GPHN: variants seen among roughly 807,000 people sequenced by gnomAD.
GPHN encodes gephyrin.
Under a neutral mutation model 95.5 loss-of-function variants are expected in GPHN, and 17 were observed. That is an observed-to-expected ratio of 0.18 (90% confidence interval 0.12 to 0.27). The LOEUF (loss-of-function observed/expected upper bound fraction) is 0.27, where lower values mean the gene tolerates loss of function less well. Among genes scored for constraint, GPHN ranks in the 10% least tolerant of loss-of-function variants. The pLI, the probability that GPHN is intolerant of heterozygous loss-of-function variation, is 1.00. For missense variants in GPHN, 660 were observed against 978.1 expected (o/e 0.67, Z 4.34); for synonymous variants, 320 against 322.5 (o/e 0.99, Z 0.08).
chr14:66,802,133 C>T (rs1467069144), intron 3 of GPHN, among the ~76,000 whole-genome samples: 1 of 152,188 alleles, frequency 6.6e-6, no homozygotes, highest in Non-Finnish European at 1.5e-5. Context: ...TAGATGTCCA[C>T]CTAGTGTTCT....
rs1392483419 is a variant in GPHN, at chr14:66,841,017, ATATAGATATAGATATAGG to A, written c.294+16468_294+16485del. 5.6e-3 allele frequency among the ~76,000 whole-genome samples: 661 copies of A among 119,042 alleles called. 2 individuals are homozygous for A. The highest frequency in any genetic ancestry group is 0.02 in the East Asian group (86 of 4,286). 78.1% of individuals were successfully genotyped at this position (119,042 alleles called of 152,430 possible). On this transcript the variant is annotated intron_variant, in intron 4 of 22. Transcript: ENST00000478722. ...GATATAGATATAGATATAGATATAGATATAGATATAGATATAGGTATAGATATAGATATATACATGCCA... is the reference window on the plus strand; with the variant it reads ...GATATAGATATAGATATAGATATAGATATAGATATAGATATATACATGCCA...
the GPHN span, among the ~76,000 whole-genome samples, chr14:67,284,995 C>T: frequency 6.6e-6 from 1 of 152,042 alleles, no homozygotes; most frequent in African/African-American, 2.4e-5. Flanking sequence ...AAGTGATCCT[C>T]CCACCGTGGC....
intron 10 of GPHN, among the ~76,000 whole-genome samples, chr14:67,039,566 G>A (rs1464280278): frequency 1.3e-5 from 2 of 152,316 alleles, no homozygotes; most frequent in African/African-American, 4.8e-5. Flanking sequence ...GGCCAAGGCA[G>A]GAGGATCACT....
intron 2 of GPHN, among the ~76,000 whole-genome samples, chr14:66,765,078 T>G (rs1483848889): frequency 6.6e-6 from 1 of 152,214 alleles, no homozygotes; most frequent in African/African-American, 2.4e-5. Flanking sequence ...CTGTTGATTA[T>G]CTTTGAGTAA....
the GPHN span, among the ~76,000 whole-genome samples, chr14:67,479,579 A>G: frequency 6.8e-6 from 1 of 146,960 alleles, no homozygotes; most frequent in East Asian, 2.1e-4. Context: ...TTAGCCGGGC[A>G]TGGTGGCATG....
intron 9 of GPHN, among the ~76,000 whole-genome samples, chr14:67,010,837 G>C (rs1376189137): frequency 6.6e-6 from 1 of 152,018 alleles, no homozygotes; most frequent in African/African-American, 2.4e-5. Context: ...CAACTGTCTA[G>C]GACAGTGGTT....
the GPHN span, among the ~76,000 whole-genome samples, chr14:67,399,243 T>C: frequency 6.7e-6 from 1 of 149,008 alleles, no homozygotes; most frequent in Non-Finnish European, 1.5e-5. Context: ...TAGGTGGCTG[T>C]CAGGTGGCAG....
the GPHN span, among the ~76,000 whole-genome samples, chr14:67,676,239 A>C: frequency 6.6e-6 from 1 of 152,222 alleles, no homozygotes; most frequent in African/African-American, 2.4e-5. Context: ...ATGCTTTGCT[A>C]ATTTGTATCT....
At chr14:67,335,786 A>T in the GPHN span, 1 of 152,560 alleles carries the variant, frequency 6.6e-6, no homozygotes, top group African/African-American at 2.4e-5. Flanking sequence ...TGTAAAAATA[A>T]AAAGTAAAAT....
At chr14:66,617,791 A>G (rs1255984453) in intron 1 of GPHN, among the ~76,000 whole-genome samples, 2 of 152,206 alleles carry the variant, frequency 1.3e-5, no homozygotes, top group African/African-American at 2.4e-5. Flanking sequence ...AAAGAGAAAT[A>G]CATGTGTAGT....
intron 9 of GPHN, among the ~76,000 whole-genome samples, chr14:67,005,802 ATAAT>A (rs757092170): frequency 1.6e-4 from 25 of 151,920 alleles, no homozygotes; most frequent in Non-Finnish European, 4.4e-5. Context: ...GAGAAAGCAA[ATAAT>A]TATGAAACAC....
At chr14:67,356,161 T>C in the GPHN span, among the ~76,000 whole-genome samples, 1 of 152,150 alleles carries the variant, frequency 6.6e-6, no homozygotes, top group African/African-American at 2.4e-5. Context: ...GGCTCACACC[T>C]GTAATACCAA....
chr14:67,291,099 A>G, the GPHN span, among the ~76,000 whole-genome samples: 1 of 152,192 alleles, frequency 6.6e-6, no homozygotes, highest in East Asian at 1.9e-4. Context: ...ATTCTATAAT[A>G]AGAGCAACCA....
intron 10 of GPHN, among the ~76,000 whole-genome samples, chr14:67,055,854 G>A (rs1443885282): frequency 6.6e-6 from 1 of 152,142 alleles, no homozygotes. Context: ...TGGTGGGTTC[G>A]TGATCTCACT....
At chr14:66,603,690 A>G (rs2140868007) in intron 1 of GPHN, among the ~76,000 whole-genome samples, 1 of 152,100 alleles carries the variant, frequency 6.6e-6, no homozygotes, top group South Asian at 2.1e-4. Flanking sequence ...GATATTATCA[A>G]ATGATATATT....
chr14:66,909,443 T>C (rs2065559936), intron 5 of GPHN, among the ~76,000 whole-genome samples: 1 of 151,978 alleles, frequency 6.6e-6, no homozygotes, highest in Non-Finnish European at 1.5e-5. Flanking sequence ...TACTAACATA[T>C]CAAATCTAAA....
chr14:67,134,200 C>T (rs1352195724), intron 17 of GPHN, among the ~76,000 whole-genome samples: 1 of 152,122 alleles, frequency 6.6e-6, no homozygotes, highest in African/African-American at 2.4e-5. Context: ...TGTTTGAATT[C>T]TTTTAGTGAG....
At chr14:66,676,871 G>A (rs1315074562) in intron 1 of GPHN, among the ~76,000 whole-genome samples, 1 of 151,786 alleles carries the variant, frequency 6.6e-6, no homozygotes, top group Non-Finnish European at 1.5e-5. Context: ...TAATTTTTTG[G>A]AAGAGTTTCA....
At chr14:66,972,832 CAG>C (rs2069908268) in intron 9 of GPHN, among the ~76,000 whole-genome samples, 1 of 151,900 alleles carries the variant, frequency 6.6e-6, no homozygotes, top group African/African-American at 2.4e-5. Flanking sequence ...AAAAGAAAAA[CAG>C]AAGATGGCAG....
Sources: allele counts gnomAD v4.1 joint callset (sites outside exome capture counted in the v4.1 genomes callset), GRCh38; gene constraint gnomAD v4.1.1; transcripts MANE v1.5; gene names NCBI Gene and HGNC (gene_info 2026-07-23, HGNC 2026-07-21).